The following SOX5 variants were observed in gnomAD, a reference collection of about 807,000 sequenced individuals.
SOX5 encodes the protein transcription factor SOX-5.
In SOX5, 9 loss-of-function variants were observed where a neutral mutation model predicts 92.0. That is an observed-to-expected ratio of 0.10 (90% CI 0.06 to 0.17). The LOEUF (loss-of-function observed/expected upper bound fraction) is 0.17. Ranked by LOEUF, SOX5 falls within the 10% of genes least tolerant of loss-of-function variation. SOX5 has a pLI of 1.00. For missense variants in SOX5, 642 were observed against 944.5 expected, an observed-to-expected ratio of 0.68 and a Z score of 4.20; for synonymous variants, 344 against 336.3, an observed-to-expected ratio of 1.02 and a Z score of -0.25.
chr12:24,326,791 T>TACACACAC (rs10527019), intron 2 of SOX5, among the ~76,000 whole-genome samples: 10,898 of 148,726 alleles, frequency 0.073, 556 homozygotes, highest in South Asian at 0.14. Context: ...TACACACACA[T>TACACACAC]ACACACACAC....
chr12:23,888,967 G>A (rs1239587982), intron 2 of SOX5, among the ~76,000 whole-genome samples: 2 of 152,130 alleles, frequency 1.3e-5, no homozygotes, highest in African/African-American at 2.4e-5. Context: ...GTGAAATCGG[G>A]TATGTGTGTG....
At chr12:23,936,107 A>G (rs1942490958) in intron 1 of SOX5, among the ~76,000 whole-genome samples, 1 of 150,992 alleles carries the variant, frequency 6.6e-6, no homozygotes, top group Non-Finnish European at 1.5e-5. Context: ...ATAAGTACAT[A>G]CTGAATGTTA....
intron 6 of SOX5, among the ~76,000 whole-genome samples, chr12:23,668,720 G>A (rs2084260326): frequency 6.6e-6 from 1 of 152,008 alleles, no homozygotes; most frequent in Non-Finnish European, 1.5e-5. Context: ...TTAAAAGCTA[G>A]GGGGCATGTT....
At chr12:23,736,526 T>A (rs1379789988) in intron 5 of SOX5, among the ~76,000 whole-genome samples, 2 of 151,910 alleles carry the variant, frequency 1.3e-5, no homozygotes, top group Non-Finnish European at 2.9e-5. Context: ...AGGAAAAAAT[T>A]CACACATCAC....
At chr12:24,032,485 C>T (rs1355676477) in intron 4 of SOX5, among the ~76,000 whole-genome samples, 2 of 151,776 alleles carry the variant, frequency 1.3e-5, no homozygotes, top group Non-Finnish European at 2.9e-5. Context: ...AATTTATCAT[C>T]AAATATATTT....
intron 3 of SOX5, among the ~76,000 whole-genome samples, chr12:23,789,134 G>T (rs2095428068): frequency 6.6e-6 from 1 of 151,604 alleles, no homozygotes; most frequent in Non-Finnish European, 1.5e-5. Flanking sequence ...GAAAAGGAGG[G>T]CAGAGAAAAG....
intron 2 of SOX5, among the ~76,000 whole-genome samples, chr12:23,882,602 T>C (rs112155983): frequency 0.018 from 2,812 of 152,256 alleles, 87 homozygotes; most frequent in African/African-American, 0.064. Context: ...TTCGATTTAT[T>C]GGAGTAAGTT....
intron 1 of SOX5, among the ~76,000 whole-genome samples, chr12:23,915,903 T>A (rs2097409952): frequency 1.3e-5 from 2 of 152,168 alleles, no homozygotes. Context: ...TTGTAAAGAA[T>A]AAATGTGGGA....
At chr12:23,717,651 T>C (rs1405342840) in intron 6 of SOX5, among the ~76,000 whole-genome samples, 1 of 152,138 alleles carries the variant, frequency 6.6e-6, no homozygotes, top group African/African-American at 2.4e-5. Context: ...TAGGAGCAGA[T>C]CATTATAACA....
intron 4 of SOX5, among the ~76,000 whole-genome samples, chr12:24,193,109 T>C (rs12367974): frequency 0.25 from 37,454 of 152,060 alleles, 5,922 homozygotes; most frequent in African/African-American, 0.45. Context: ...CAGAGAGATG[T>C]ACACACACGA....
chr12:23,949,484 G>A (rs1199402459), intron 1 of SOX5, 80 bp downstream of exon 1: 2 of 1,544,748 alleles, frequency 1.3e-6, no homozygotes, highest in Non-Finnish European at 8.9e-7. Context: ...TTTTGGGGGA[G>A]CATCTTCCAA....
intron 3 of SOX5, among the ~76,000 whole-genome samples, chr12:24,276,460 T>G (rs1223398316): frequency 1.3e-5 from 2 of 152,176 alleles, no homozygotes; most frequent in East Asian, 3.8e-4. Context: ...TTCATTATTC[T>G]TTTCAGGTAT....
chr12:23,949,050 A>C (rs1390963341), intron 1 of SOX5, among the ~76,000 whole-genome samples: 2 of 152,132 alleles, frequency 1.3e-5, no homozygotes, highest in African/African-American at 4.8e-5. Context: ...ACGCTCTCTT[A>C]TATCAACAAA....
intron 4 of SOX5, among the ~76,000 whole-genome samples, chr12:24,026,300 G>T (rs185353995): frequency 1.3e-5 from 2 of 151,962 alleles, no homozygotes; most frequent in Non-Finnish European, 1.5e-5. Context: ...TAGATATTCC[G>T]AGTATAAAAG....
intron 1 of SOX5, among the ~76,000 whole-genome samples, chr12:23,931,896 A>G (rs1052218718): frequency 6.6e-6 from 1 of 151,622 alleles, no homozygotes; most frequent in Admixed American, 6.6e-5. Context: ...AATGGTATTC[A>G]TGGCTATCTT....
intron 4 of SOX5, among the ~76,000 whole-genome samples, chr12:24,077,370 G>A (rs1400534996): frequency 6.6e-6 from 1 of 152,036 alleles, no homozygotes; most frequent in Non-Finnish European, 1.5e-5. Flanking sequence ...CAATTCTTAC[G>A]ATACTCCATG....
intron 6 of SOX5, among the ~76,000 whole-genome samples, chr12:23,702,415 G>A (rs189291819): frequency 6.6e-6 from 1 of 151,982 alleles, no homozygotes; most frequent in African/African-American, 2.4e-5. Flanking sequence ...GTATTTAACT[G>A]AGTGGTAGTA....
chr12:24,560,489 G>A (rs552644217), intron 1 of SOX5, among the ~76,000 whole-genome samples: 1 of 152,282 alleles, frequency 6.6e-6, no homozygotes, highest in Admixed American at 6.5e-5. Context: ...AAGTACTTAT[G>A]ATTTTAAATC....
At chr12:23,746,746 G>C (rs565289665) in intron 4 of SOX5, among the ~76,000 whole-genome samples, 1 of 152,022 alleles carries the variant, frequency 6.6e-6, no homozygotes, top group African/African-American at 2.4e-5. Context: ...CTCAGCAAAA[G>C]ACATCATGAT....
Sources: allele counts gnomAD v4.1 joint callset (sites outside exome capture counted in the v4.1 genomes callset), GRCh38; gene constraint gnomAD v4.1.1; transcripts MANE v1.5; gene names NCBI Gene and HGNC (gene_info 2026-07-23, HGNC 2026-07-21).